The following SLC22A3 variants were observed in gnomAD, a reference collection of about 807,000 sequenced individuals.
The protein encoded by SLC22A3 is EMT organic cation transporter 3.
In SLC22A3, 51 loss-of-function variants were observed where a neutral mutation model predicts 59.1. That is an observed-to-expected ratio of 0.86 (90% CI 0.69 to 1.09). The LOEUF is 1.09. SLC22A3 is among the 50% of genes least tolerant of loss of function. SLC22A3 has a pLI of 0.00. For missense variants in SLC22A3, 711 were observed against 726.3 expected, an observed-to-expected ratio of 0.98 and a Z score of 0.24; for synonymous variants, 325 against 292.0, an observed-to-expected ratio of 1.11 and a Z score of -1.15.
intron 2 of SLC22A3, among the ~76,000 whole-genome samples, chr6:160,399,309 T>C (rs1351132856): frequency 6.6e-6 from 1 of 152,166 alleles, no homozygotes; most frequent in Non-Finnish European, 1.5e-5. Flanking sequence ...CATGCCACTC[T>C]TTTTTTGCTG....
intron 7 of SLC22A3, 125 bp downstream of exon 7, chr6:160,437,336 C>G: frequency 1.0e-6 from 1 of 964,936 alleles, no homozygotes; most frequent in South Asian, 1.4e-5. Flanking sequence ...CGTGATGTCA[C>G]TCCATTTTCT....
intron 5 of SLC22A3, 43 bp from the exon 6 acceptor site, chr6:160,436,737 T>C: frequency 7.5e-7 from 1 of 1,340,188 alleles, no homozygotes; most frequent in South Asian, 1.2e-5. Context: ...CAGGTTTTTT[T>C]TTTTTCTGTC....
intron 1 of SLC22A3, among the ~76,000 whole-genome samples, chr6:160,394,499 G>C (rs1238596492): frequency 6.6e-6 from 1 of 152,208 alleles, no homozygotes; most frequent in Non-Finnish European, 1.5e-5. Context: ...CTATGAGCAA[G>C]AGTCAACATC....
intron 5 of SLC22A3, among the ~76,000 whole-genome samples, chr6:160,436,142 T>G (rs570455048): frequency 6.6e-6 from 1 of 152,334 alleles, no homozygotes; most frequent in East Asian, 1.9e-4. Flanking sequence ...TATCATGCTC[T>G]GATGCTTCCG....
Position 160,436,773 on chromosome 6 carries a change from T to C in SLC22A3, c.976-7T>C. On this transcript the variant is annotated splice_polypyrimidine_tract_variant and splice_region_variant and intron_variant, in intron 5 of 10. Transcript: ENST00000275300. Reference sequence around the variant, plus strand: ...TATTGCTACTGAAATCTGCTTTTCTTATATAGATCACTGTTACAGATGAGG... The same window carrying C: ...TATTGCTACTGAAATCTGCTTTTCTCATATAGATCACTGTTACAGATGAGG... 6.3e-7 allele frequency: 1 copy of C among 1,594,206 alleles called. No individual in the cohort carries two copies. The highest frequency in any genetic ancestry group is 8.6e-7 in the Non-Finnish European group (1 of 1,162,186).
chr6:160,411,549 C>A (rs2114862085), intron 5 of SLC22A3, among the ~76,000 whole-genome samples: 1 of 152,134 alleles, frequency 6.6e-6, no homozygotes, highest in Middle Eastern at 3.4e-3. Context: ...CCAGCCTGGG[C>A]AACATAGCAA....
rs116948121 is a variant in SLC22A3 at position 160,384,298 on chromosome 6, A to G, written c.430-13681A>G. On this transcript the variant is annotated intron_variant, in intron 1 of 10. Transcript: ENST00000275300. Reference sequence around the variant, plus strand: ...GGGTCCTAGAATGAATCACCAGATTATGGTCATCTCCTGAGGATGATTGTA... The same window carrying G: ...GGGTCCTAGAATGAATCACCAGATTGTGGTCATCTCCTGAGGATGATTGTA... 2.1e-3 allele frequency among the ~76,000 whole-genome samples: 317 copies of G among 152,348 alleles called. 8 individuals carry two copies. The East Asian group carries it at 0.051, about 25-fold the overall frequency.
Position 160,348,767 on chromosome 6 carries a change from C to T in SLC22A3, c.348C>T (p.Ala116=), listed in dbSNP as rs1158549556. 1.9e-6 allele frequency: 3 copies of T among 1,546,316 alleles called. No homozygotes were observed. The highest frequency in any genetic ancestry group is 2.7e-5 in the African/African-American group (2 of 73,464). ...SALSCADPLA[A]FPNRSAPLVP... is the part of the protein sequence containing the mutation. ...TCAGCTGCGCGGACCCACTCGCCGC[C>T]TTCCCCAACCGCTCGGCTCCCCTTG... The change falls in exon 1 of 11, where the codon GCC becomes GCT. Residue 116 remains alanine, a synonymous_variant. Transcript: ENST00000275300.
In SLC22A3 at chr6:160,451,937, G is replaced by A. The variant is rs1392957115; in HGVS notation, c.*881G>A. ...TTCTTATATTTGTGAGTTCAGTTCC[G>A]ATGGTGCCCGTGGTCAAAAGCGAAA... On this transcript the variant is annotated 3_prime_UTR_variant, in exon 11 of 11. Coordinates refer to ENST00000275300, the MANE Select transcript of SLC22A3 (RefSeq NM_021977.4). 5.3e-5 allele frequency: 8 copies of A among 152,190 alleles called. No individual in the cohort carries two copies. Among genetic ancestry groups the A allele is most frequent in the South Asian group, 2.1e-4 (1 of 4,824 alleles). The allele number at this position is 152,190 out of a possible 1,614,324, so 9.4% of individuals were successfully genotyped here.
At chr6:160,360,741 T>C (rs543425129) in intron 1 of SLC22A3, among the ~76,000 whole-genome samples, 1 of 152,274 alleles carries the variant, frequency 6.6e-6, no homozygotes, top group East Asian at 1.9e-4. Context: ...TTAATGCTGA[T>C]ATATGATTTG....
rs150415058 is a variant in SLC22A3 at position 160,421,403 on chromosome 6, A to C, written c.975+10557A>C. Among the ~76,000 whole-genome samples, 34 of 152,342 alleles carry C rather than the reference A, an allele frequency of 2.2e-4. 2 individuals are homozygous for C. In the East Asian group the frequency reaches 4.8e-3, roughly 22 times the overall value. On this transcript the variant is annotated intron_variant, in intron 5 of 10. Transcript: ENST00000275300. ...TGACACAGGAGTTCCGAGCTTTGCG[A>C]CATGACATTGGCAACTGCTCAGTTA...
intron 1 of SLC22A3, among the ~76,000 whole-genome samples, chr6:160,350,432 T>C (rs569217662): frequency 6.6e-6 from 1 of 152,250 alleles, no homozygotes; most frequent in South Asian, 2.1e-4. Flanking sequence ...TTGGTGATGG[T>C]CTGGTTAGAG....
At chr6:160,416,341 A>G (rs1318528938) in intron 5 of SLC22A3, among the ~76,000 whole-genome samples, 1 of 152,174 alleles carries the variant, frequency 6.6e-6, no homozygotes, top group East Asian at 1.9e-4. Flanking sequence ...AAAGAGAATC[A>G]GTGGATGGGT....
At chr6:160,393,259 GTTTA>G (rs879699002) in intron 1 of SLC22A3, among the ~76,000 whole-genome samples, 10 of 151,284 alleles carry the variant, frequency 6.6e-5, no homozygotes, top group East Asian at 1.9e-4. Flanking sequence ...CCTCTCCTGA[GTTTA>G]TTTATTTATT....
chr6:160,366,915 C>T (rs1785225290), intron 1 of SLC22A3, among the ~76,000 whole-genome samples: 1 of 152,154 alleles, frequency 6.6e-6, no homozygotes, highest in South Asian at 2.1e-4. Context: ...CTTTTGAGCC[C>T]TCCAAGTCTC....
At chr6:160,385,633 G>T (rs1250770552) in intron 1 of SLC22A3, among the ~76,000 whole-genome samples, 1 of 152,188 alleles carries the variant, frequency 6.6e-6, no homozygotes, top group Non-Finnish European at 1.5e-5. Flanking sequence ...ATGGGCTCCT[G>T]CACAACTGGA....
chr6:160,441,800 A>G (rs1209629315), intron 7 of SLC22A3, among the ~76,000 whole-genome samples: 1 of 152,168 alleles, frequency 6.6e-6, no homozygotes, highest in East Asian at 1.9e-4. Context: ...TATAAAGGGA[A>G]AATGAAAGGC....
chr6:160,418,657 A>T (rs1393447052), intron 5 of SLC22A3, among the ~76,000 whole-genome samples: 1 of 152,192 alleles, frequency 6.6e-6, no homozygotes, highest in Admixed American at 6.5e-5. Context: ...TAACTGTGGC[A>T]GCAGTTTTGG....
At chr6:160,396,020 C>A (rs1016109650) in intron 1 of SLC22A3, among the ~76,000 whole-genome samples, 2 of 152,144 alleles carry the variant, frequency 1.3e-5, no homozygotes, top group Non-Finnish European at 2.9e-5. Flanking sequence ...CAGGAATTGT[C>A]GGCCTGGATA....
Sources: allele counts gnomAD v4.1 joint callset (sites outside exome capture counted in the v4.1 genomes callset), GRCh38; gene constraint gnomAD v4.1.1; transcripts MANE v1.5; gene names NCBI Gene and HGNC (gene_info 2026-07-23, HGNC 2026-07-21).